Variants in INSYN2B observed in about 807,000 individuals in gnomAD.
INSYN2B encodes the protein protein INSYN2B.
A neutral mutation model predicts 41.2 loss-of-function variants in INSYN2B; 16 were observed. That is an observed-to-expected ratio of 0.39 (90% CI 0.26 to 0.59). The LOEUF (loss-of-function observed/expected upper bound fraction) is 0.59. INSYN2B is among the 20% of genes least tolerant of loss of function. The pLI, the probability that INSYN2B is intolerant of heterozygous loss-of-function variation, is 0.57. For missense variants in INSYN2B, 608 were observed against 646.4 expected (o/e 0.94, Z 0.64); for synonymous variants, 245 against 244.4 (o/e 1.00, Z -0.02).
chr5:169,869,713 T>C (rs923507540), intron 3 of INSYN2B, among the ~76,000 whole-genome samples: 1 of 152,216 alleles, frequency 6.6e-6, no homozygotes, highest in Admixed American at 6.5e-5. Flanking sequence ...TGGTGAAAAT[T>C]GAAGTTAATT....
At chr5:169,911,485 C>A (rs1303922741) in intron 1 of INSYN2B, among the ~76,000 whole-genome samples, 3 of 152,130 alleles carry the variant, frequency 2.0e-5, no homozygotes, top group African/African-American at 7.2e-5. Flanking sequence ...TTAATGTGGC[C>A]AGTGACATTT....
At chr5:169,920,992 G>A (rs749233187) in intron 1 of INSYN2B, among the ~76,000 whole-genome samples, 17 of 152,170 alleles carry the variant, frequency 1.1e-4, no homozygotes, top group Non-Finnish European at 2.2e-4. Flanking sequence ...CTCAGTCCAC[G>A]GGGGCACTTT....
intron 1 of INSYN2B, among the ~76,000 whole-genome samples, chr5:169,909,287 A>G (rs879117439): frequency 5.9e-5 from 9 of 152,342 alleles, no homozygotes; most frequent in Admixed American, 2.6e-4. Context: ...CTAATAGCCC[A>G]GTGTTGCTGG....
rs1554110043 is a variant in INSYN2B at position 169,861,938 on chromosome 5, C to CTTTTCT, written c.*2334_*2335insAGAAAA. 6.1e-5 allele frequency among the ~76,000 whole-genome samples: 9 copies of CTTTTCT among 147,194 alleles called. No homozygotes were observed. The highest frequency in any genetic ancestry group is 1.2e-4 in the Non-Finnish European group (8 of 66,802). On this transcript the variant is annotated 3_prime_UTR_variant, in exon 4 of 4. Transcript: ENST00000377365. ...TTATTTTTTTCTTTTCTTTTCTTTT[C>CTTTTCT]TTTTTTTTTTGTTGGGGAAGTGCAG...
chr5:169,978,234 A>G (rs1777787505), intron 1 of INSYN2B, among the ~76,000 whole-genome samples: 1 of 151,760 alleles, frequency 6.6e-6, no homozygotes, highest in African/African-American at 2.4e-5. Context: ...CACTCCTACT[A>G]ATCTTAGGTG....
intron 1 of INSYN2B, among the ~76,000 whole-genome samples, chr5:169,974,841 C>G (rs1027075226): frequency 6.6e-6 from 1 of 150,484 alleles, no homozygotes; most frequent in East Asian, 2.0e-4. Flanking sequence ...CCCCCCTCCC[C>G]CCGACACACA....
chr5:169,922,976 T>C (rs1287625257), intron 1 of INSYN2B, among the ~76,000 whole-genome samples: 4 of 152,262 alleles, frequency 2.6e-5, no homozygotes, highest in Admixed American at 6.5e-5. Context: ...TATCGAATTG[T>C]GAATTTCTCT....
At chr5:169,916,278 A>G (rs1774871263) in intron 1 of INSYN2B, among the ~76,000 whole-genome samples, 1 of 152,228 alleles carries the variant, frequency 6.6e-6, no homozygotes, top group South Asian at 2.1e-4. Context: ...TGTTTGTCCA[A>G]CAGGAGCCTG....
At chr5:169,939,910 C>T (rs942843486) in intron 1 of INSYN2B, among the ~76,000 whole-genome samples, 1 of 152,142 alleles carries the variant, frequency 6.6e-6, no homozygotes, top group African/African-American at 2.4e-5. Flanking sequence ...GATCATTTCC[C>T]ATTTTATATG....
intron 1 of INSYN2B, among the ~76,000 whole-genome samples, chr5:169,930,995 G>A (rs928836794): frequency 1.3e-5 from 2 of 152,252 alleles, no homozygotes; most frequent in South Asian, 4.1e-4. Flanking sequence ...AGGTACTCAT[G>A]TGTGTGCCAG....
At chr5:169,966,262 G>A (rs1029854725) in intron 1 of INSYN2B, among the ~76,000 whole-genome samples, 3 of 151,984 alleles carry the variant, frequency 2.0e-5, no homozygotes, top group African/African-American at 7.3e-5. Flanking sequence ...GATAAAATGG[G>A]CTGCAAATGT....
chr5:169,924,701 C>T (rs957629469), intron 1 of INSYN2B, among the ~76,000 whole-genome samples: 12 of 152,106 alleles, frequency 7.9e-5, no homozygotes, highest in African/African-American at 2.7e-4. Context: ...ATCTGAGAGG[C>T]TTTTTTTGAA....
In INSYN2B at chr5:169,881,210, C is replaced by A. The variant is rs544697268; in HGVS notation, c.1421+158G>T. 6.6e-5 allele frequency among the ~76,000 whole-genome samples: 10 copies of A among 152,292 alleles called. No homozygotes were observed. In the South Asian group the frequency reaches 2.1e-3, roughly 32 times the overall value. On this transcript the variant is annotated intron_variant, in intron 3 of 3. Transcript: ENST00000377365. ...GCTCATAGACTTTGTTCTAAGGAAACAAAGCAATCCCTGCCTTGGAACCAG... is the reference window on the plus strand; with the variant it reads ...GCTCATAGACTTTGTTCTAAGGAAAAAAAGCAATCCCTGCCTTGGAACCAG...
intron 3 of INSYN2B, among the ~76,000 whole-genome samples, chr5:169,866,375 G>A (rs11134594): frequency 2.0e-5 from 3 of 152,198 alleles, no homozygotes; most frequent in Non-Finnish European, 4.4e-5. Context: ...TGAGATCTTG[G>A]GGAAGTCATT....
intron 1 of INSYN2B, among the ~76,000 whole-genome samples, chr5:169,963,702 TC>T (rs1431161803): frequency 6.6e-6 from 1 of 152,086 alleles, no homozygotes; most frequent in Non-Finnish European, 1.5e-5. Flanking sequence ...TTTCTTTGCC[TC>T]AGTTTCTGCC....
chr5:169,891,982 C>T (rs527864021), intron 1 of INSYN2B, among the ~76,000 whole-genome samples: 21 of 134,612 alleles, frequency 1.6e-4, no homozygotes, highest in African/African-American at 5.7e-4. Context: ...GGCAACAGTG[C>T]GAGATTCCGT....
At chr5:169,927,164 A>C (rs904125700) in intron 1 of INSYN2B, among the ~76,000 whole-genome samples, 1 of 152,246 alleles carries the variant, frequency 6.6e-6, no homozygotes, top group Admixed American at 6.5e-5. Flanking sequence ...CAAGATGGGA[A>C]GATCTCGGCC....
intron 1 of INSYN2B, among the ~76,000 whole-genome samples, chr5:169,890,438 C>T (rs1222745052): frequency 6.6e-6 from 1 of 152,198 alleles, no homozygotes; most frequent in African/African-American, 2.4e-5. Flanking sequence ...CCATACTCAT[C>T]TGAAATCAAA....
At chr5:169,914,240 C>T (rs1774756664) in intron 1 of INSYN2B, among the ~76,000 whole-genome samples, 1 of 152,208 alleles carries the variant, frequency 6.6e-6, no homozygotes, top group South Asian at 2.1e-4. Flanking sequence ...CAACTTGATG[C>T]TCTCCTCATA....
Sources: gnomAD v4.1 joint callset for allele counts (sites outside exome capture counted in the v4.1 genomes callset) on GRCh38, gnomAD v4.1.1 for gene constraint, MANE v1.5 for transcripts, NCBI Gene and HGNC (gene_info 2026-07-23, HGNC 2026-07-21) for gene names.